Variants in CTIF observed in about 807,000 individuals in gnomAD.
The protein encoded by CTIF is CBP80/20-dependent translation initiation factor.
In CTIF, 21 loss-of-function variants were observed where a neutral mutation model predicts 66.0. That is an observed-to-expected ratio of 0.32 (90% confidence interval 0.23 to 0.46). The LOEUF is 0.46. Among genes scored for constraint, CTIF ranks in the 20% least tolerant of loss-of-function variants. The pLI is 1.00. For missense variants in CTIF, 739 were observed against 812.7 expected (o/e 0.91, Z 1.10); for synonymous variants, 345 against 326.4 (o/e 1.06, Z -0.62).
chr18:48,754,197 T>C (rs1908114135), intron 7 of CTIF, among the ~76,000 whole-genome samples: 1 of 152,160 alleles, frequency 6.6e-6, no homozygotes. Context: ...TCTCCATTAC[T>C]ACAGGTCACT....
intron 8 of CTIF, among the ~76,000 whole-genome samples, chr18:48,758,824 G>A (rs1908675489): frequency 6.6e-6 from 1 of 152,196 alleles, no homozygotes. Flanking sequence ...TTTTCTACAG[G>A]TGAGTACCAT....
intron 9 of CTIF, among the ~76,000 whole-genome samples, chr18:48,775,212 G>A (rs1465471055): frequency 2.0e-5 from 3 of 152,138 alleles, no homozygotes; most frequent in Non-Finnish European, 4.4e-5. Flanking sequence ...GTTAAATGGG[G>A]TCATAATACC....
chr18:48,620,071 A>G (rs2090465993), intron 2 of CTIF, among the ~76,000 whole-genome samples: 1 of 152,324 alleles, frequency 6.6e-6, no homozygotes, highest in East Asian at 1.9e-4. Flanking sequence ...CAATAAGCTT[A>G]TGTTCTAGGA....
At chr18:48,651,764 G>A (rs188644654) in intron 3 of CTIF, among the ~76,000 whole-genome samples, 2 of 152,192 alleles carry the variant, frequency 1.3e-5, no homozygotes, top group East Asian at 3.8e-4. Context: ...ACAACAAACT[G>A]TCTCTCAGAC....
rs868505686 is a variant in CTIF, at chr18:48,546,577, T to C, written c.-29+7265T>C. Among the ~76,000 whole-genome samples, 21 of 152,282 alleles carry C rather than the reference T, an allele frequency of 1.4e-4. No homozygotes were observed. The Middle Eastern group carries it at 0.01, about 74-fold the overall frequency. ...GGAATGTAAGGGAAATCCCCAGGGA[T>C]CTCAGGCAGTGTGGACGGTGAGCTC... On this transcript the variant is annotated intron_variant, in intron 1 of 11. Transcript: ENST00000256413.
At chr18:48,785,120 C>T (rs1911586986) in intron 9 of CTIF, among the ~76,000 whole-genome samples, 1 of 152,218 alleles carries the variant, frequency 6.6e-6, no homozygotes, top group African/African-American at 2.4e-5. Flanking sequence ...CTTCCTTCTT[C>T]CTTCTCTTTT....
intron 3 of CTIF, among the ~76,000 whole-genome samples, chr18:48,649,141 C>T (rs1247892557): frequency 6.6e-6 from 1 of 152,160 alleles, no homozygotes; most frequent in Non-Finnish European, 1.5e-5. Context: ...CAAGCTGAAG[C>T]TGGGTGGGGC....
chr18:48,801,907 C>A (rs997136176), intron 9 of CTIF, among the ~76,000 whole-genome samples: 9 of 152,212 alleles, frequency 5.9e-5, no homozygotes, highest in Non-Finnish European at 8.8e-5. Flanking sequence ...GCCCCAGCTC[C>A]CAGTTCCTCC....
chr18:48,629,803 G>T (rs1568086724), intron 2 of CTIF, among the ~76,000 whole-genome samples: 1 of 152,132 alleles, frequency 6.6e-6, no homozygotes, highest in Non-Finnish European at 1.5e-5. Context: ...ACCACACTGT[G>T]CTTCAGTCTC....
chr18:48,561,813 T>C (rs2089169740), intron 1 of CTIF, among the ~76,000 whole-genome samples: 1 of 152,178 alleles, frequency 6.6e-6, no homozygotes, highest in East Asian at 1.9e-4. Context: ...TGTCAGATAA[T>C]TACCCCCACT....
chr18:48,542,938 C>T (rs1007915839), intron 1 of CTIF, among the ~76,000 whole-genome samples: 1 of 152,216 alleles, frequency 6.6e-6, no homozygotes, highest in African/African-American at 2.4e-5. Context: ...AGATGTTCTC[C>T]GTGGTCCCGC....
chr18:48,677,019 G>C (rs2091641845), intron 6 of CTIF, among the ~76,000 whole-genome samples: 2 of 152,022 alleles, frequency 1.3e-5, no homozygotes, highest in Non-Finnish European at 2.9e-5. Flanking sequence ...GGCCGCGGCT[G>C]GGGCTGCCCC....
At chr18:48,809,034 G>A (rs1029798513) in intron 9 of CTIF, among the ~76,000 whole-genome samples, 1 of 152,102 alleles carries the variant, frequency 6.6e-6, no homozygotes, top group East Asian at 1.9e-4. Flanking sequence ...GTGTTTCTTC[G>A]CTAGTTGAAG....
intron 3 of CTIF, among the ~76,000 whole-genome samples, chr18:48,651,255 A>G (rs916939740): frequency 1.3e-5 from 2 of 152,242 alleles, no homozygotes; most frequent in Non-Finnish European, 2.9e-5. Context: ...GACCCATCTC[A>G]CGTGCAGAGA....
At chr18:48,749,375 G>A (rs1268372810) in intron 7 of CTIF, among the ~76,000 whole-genome samples, 1 of 152,228 alleles carries the variant, frequency 6.6e-6, no homozygotes, top group African/African-American at 2.4e-5. Context: ...TGATGGTAGT[G>A]AATGTTGGGT....
At chr18:48,653,758 G>T (rs2091198822) in intron 3 of CTIF, among the ~76,000 whole-genome samples, 1 of 152,192 alleles carries the variant, frequency 6.6e-6, no homozygotes, top group African/African-American at 2.4e-5. Flanking sequence ...AAACAGCATT[G>T]CACTGGTACC....
intron 3 of CTIF, among the ~76,000 whole-genome samples, chr18:48,645,135 C>T (rs182539255): frequency 1.9e-4 from 29 of 152,084 alleles, no homozygotes; most frequent in African/African-American, 3.4e-4. Flanking sequence ...ATAAAATGAA[C>T]GTAAGAAGAC....
chr18:48,649,374 C>A (rs2091112330), intron 3 of CTIF, among the ~76,000 whole-genome samples: 1 of 152,242 alleles, frequency 6.6e-6, no homozygotes, highest in Non-Finnish European at 1.5e-5. Context: ...TAACATTGAC[C>A]TGTGAGGCAG....
chr18:48,839,281 C>T (rs1406492558), intron 10 of CTIF, among the ~76,000 whole-genome samples: 1 of 152,146 alleles, frequency 6.6e-6, no homozygotes, highest in Admixed American at 6.5e-5. Flanking sequence ...GTCCTTCCCT[C>T]TCTTCCTCTC....
Sources: allele counts gnomAD v4.1 joint callset (sites outside exome capture counted in the v4.1 genomes callset), GRCh38; gene constraint gnomAD v4.1.1; transcripts MANE v1.5; gene names NCBI Gene and HGNC (gene_info 2026-07-23, HGNC 2026-07-21).